AGBL1: variants seen among roughly 807,000 people sequenced by gnomAD.
AGBL1 encodes the protein AGBL carboxypeptidase 1.
A neutral mutation model predicts 118.9 loss-of-function variants in AGBL1; 130 were observed. The observed-to-expected ratio is 1.09, with a 90% CI of 0.95 to 1.26. The LOEUF is 1.26. Ranked by LOEUF, AGBL1 falls within the 50% of genes most tolerant of loss-of-function variation. The pLI is 0.00. For missense variants in AGBL1, 1,584 were observed against 1,298.1 expected, an observed-to-expected ratio of 1.22 and a Z score of -3.38; for synonymous variants, 555 against 478.9, an observed-to-expected ratio of 1.16 and a Z score of -2.08.
At chr15:86,956,206 T>C (rs1323543415) in intron 23 of AGBL1, among the ~76,000 whole-genome samples, 1 of 142,246 alleles carries the variant, frequency 7.0e-6, no homozygotes, top group Non-Finnish European at 1.5e-5. Flanking sequence ...GATAGGTAGA[T>C]AGATGATTGA....
intron 6 of AGBL1, among the ~76,000 whole-genome samples, chr15:86,229,355 T>G (rs1050268035): frequency 6.6e-6 from 1 of 151,954 alleles, no homozygotes; most frequent in African/African-American, 2.4e-5. Flanking sequence ...CACATGGCAA[T>G]AGCAAGGAGA....
At chr15:86,868,778 C>G (rs1433677373) in intron 22 of AGBL1, among the ~76,000 whole-genome samples, 1 of 152,072 alleles carries the variant, frequency 6.6e-6, no homozygotes, top group Non-Finnish European at 1.5e-5. Flanking sequence ...GCCTGTGAAC[C>G]ACTAGTAGAT....
chr15:86,563,275 G>A (rs539459459), intron 21 of AGBL1, among the ~76,000 whole-genome samples: 3 of 152,146 alleles, frequency 2.0e-5, no homozygotes, highest in African/African-American at 7.2e-5. Flanking sequence ...TCTCTTGTGG[G>A]CATTGAGTGC....
At chr15:86,521,554 G>A (rs1325992007) in intron 18 of AGBL1, among the ~76,000 whole-genome samples, 1 of 152,158 alleles carries the variant, frequency 6.6e-6, no homozygotes, top group Non-Finnish European at 1.5e-5. Context: ...CAGCAAATAG[G>A]AGATAGATGC....
chr15:86,147,282 T>A (rs939401937), intron 3 of AGBL1, among the ~76,000 whole-genome samples: 1 of 152,046 alleles, frequency 6.6e-6, no homozygotes, highest in South Asian at 2.1e-4. Flanking sequence ...GTGCAGCCCA[T>A]GGAGGGCAAG....
At chr15:86,664,880 T>G (rs1029787636) in intron 21 of AGBL1, among the ~76,000 whole-genome samples, 3 of 152,096 alleles carry the variant, frequency 2.0e-5, no homozygotes, top group African/African-American at 7.2e-5. Context: ...CAGATACACT[T>G]TTTTCAGGCT....
At chr15:86,336,045 A>G (rs942434150) in intron 17 of AGBL1, among the ~76,000 whole-genome samples, 2 of 152,250 alleles carry the variant, frequency 1.3e-5, no homozygotes, top group Non-Finnish European at 2.9e-5. Flanking sequence ...GATGAGAGAA[A>G]GCATGAAGTT....
At chr15:86,391,017 TAAA>T (rs985288925) in intron 17 of AGBL1, among the ~76,000 whole-genome samples, 3 of 121,020 alleles carry the variant, frequency 2.5e-5, no homozygotes, top group Admixed American at 8.7e-5. Context: ...ACTATGGTGA[TAAA>T]AAAAAAAAAA....
chr15:86,608,502 A>G (rs1041440566), intron 21 of AGBL1, among the ~76,000 whole-genome samples: 1 of 152,208 alleles, frequency 6.6e-6, no homozygotes, highest in Non-Finnish European at 1.5e-5. Flanking sequence ...TAGCCTTGCA[A>G]CCTTCTCACT....
At chr15:87,023,628 A>G (rs936641695) in intron 24 of AGBL1, among the ~76,000 whole-genome samples, 1 of 152,104 alleles carries the variant, frequency 6.6e-6, no homozygotes, top group African/African-American at 2.4e-5. Context: ...CCCTAGAACG[A>G]ATGGACTTAA....
chr15:86,666,519 T>TC (rs775273548), intron 21 of AGBL1, among the ~76,000 whole-genome samples: 16 of 152,158 alleles, frequency 1.1e-4, no homozygotes, highest in Admixed American at 3.3e-4. Context: ...ACTCATTTTT[T>TC]CTTATCTTAT....
chr15:86,337,439 A>T (rs866284209), intron 17 of AGBL1, among the ~76,000 whole-genome samples: 4 of 152,218 alleles, frequency 2.6e-5, no homozygotes, highest in Middle Eastern at 3.2e-3. Context: ...ACAATAGCAA[A>T]GGCATGGAAT....
intron 21 of AGBL1, among the ~76,000 whole-genome samples, chr15:86,662,188 T>TAC (rs1461788770): frequency 6.6e-6 from 1 of 152,220 alleles, no homozygotes; most frequent in South Asian, 2.1e-4. Flanking sequence ...TAAATGTGCA[T>TAC]ACACACACAT....
rs571905370 is a variant in AGBL1, at chr15:86,954,694, G to T, written c.3222-33293G>T. On this transcript the variant is annotated intron_variant, in intron 23 of 24. Transcript: ENST00000441037. ...AGCATGGTTAGAAAAACTACCTATT[G>T]GGTCCTCTGCTCACTCCCTGGGTGA... 2.0e-5 allele frequency among the ~76,000 whole-genome samples: 3 copies of T among 152,158 alleles called. No homozygotes were observed. The South Asian group carries it at 6.2e-4, about 32-fold the overall frequency.
Position 86,713,236 on chromosome 15 carries a change from T to C in AGBL1, c.3158+38800T>C, listed in dbSNP as rs143820646. Among the ~76,000 whole-genome samples the C allele has an allele frequency of 1.1e-4, 16 of 152,224 alleles. 1 individual carries two copies. The Middle Eastern group carries it at 0.02, about 194-fold the overall frequency. ...GAAAGAGTTTGGGGAAGGACAAAGA[T>C]AGAAAATTCAGGCAGCATGTTTATA... On this transcript the variant is annotated intron_variant, in intron 22 of 22. Coordinates refer to ENST00000614907, the MANE Select transcript of AGBL1 (RefSeq NM_001386094.1).
intron 21 of AGBL1, among the ~76,000 whole-genome samples, chr15:86,603,403 C>T (rs759003756): frequency 1.3e-5 from 2 of 152,056 alleles, no homozygotes; most frequent in African/African-American, 4.8e-5. Context: ...ATTTAAGATT[C>T]CTCTTAATAT....
intron 22 of AGBL1, among the ~76,000 whole-genome samples, chr15:86,812,179 A>G (rs1190838050): frequency 6.6e-6 from 1 of 152,136 alleles, no homozygotes; most frequent in Non-Finnish European, 1.5e-5. Context: ...ATTTTCCTGT[A>G]TACACTTTAC....
chr15:86,251,463 C>T (rs1016193958), intron 7 of AGBL1, among the ~76,000 whole-genome samples: 5 of 152,192 alleles, frequency 3.3e-5, no homozygotes, highest in Non-Finnish European at 2.9e-5. Context: ...TAGGATCACA[C>T]TTGGAAAACC....
chr15:86,131,113 CCTCTTACATGGAGA>C (rs1353620778), intron 1 of AGBL1, among the ~76,000 whole-genome samples: 1 of 152,144 alleles, frequency 6.6e-6, no homozygotes, highest in African/African-American at 2.4e-5. Context: ...GGTAGTCAGT[CCTCTTACATGGAGA>C]CTTAGGGCTT....
Sources: gnomAD v4.1 joint callset for allele counts (sites outside exome capture counted in the v4.1 genomes callset) on GRCh38, gnomAD v4.1.1 for gene constraint, MANE v1.5 for transcripts, NCBI Gene and HGNC (gene_info 2026-07-23, HGNC 2026-07-21) for gene names.